Variants in LHFPL3 observed in about 807,000 individuals in gnomAD.
The protein encoded by LHFPL3 is LHFPL tetraspan subfamily member 3 protein.
In LHFPL3, 5 loss-of-function variants were observed where a neutral mutation model predicts 19.3. That is an observed-to-expected ratio of 0.26 (90% confidence interval 0.14 to 0.54). The LOEUF is 0.54. Among genes scored for constraint, LHFPL3 ranks in the 20% least tolerant of loss-of-function variants. LHFPL3 has a pLI of 0.94. For synonymous variants in LHFPL3, 133 were observed against 126.2 expected (o/e 1.05, Z -0.36); for missense variants, 249 against 307.4 (o/e 0.81, Z 1.42).
chr7:104,813,050 G>A (rs1202428041), intron 2 of LHFPL3, among the ~76,000 whole-genome samples: 1 of 151,996 alleles, frequency 6.6e-6, no homozygotes, highest in Non-Finnish European at 1.5e-5. Context: ...GGAGGCGGAG[G>A]TTGCAGTGAG....
intron 2 of LHFPL3, among the ~76,000 whole-genome samples, chr7:104,764,123 C>G (rs141151899): frequency 6.6e-6 from 1 of 152,304 alleles, no homozygotes; most frequent in African/African-American, 2.4e-5. Flanking sequence ...TTTCCTCTCT[C>G]TGGCACACAC....
At chr7:104,635,475 A>G (rs1562955072) in intron 1 of LHFPL3, among the ~76,000 whole-genome samples, 1 of 152,200 alleles carries the variant, frequency 6.6e-6, no homozygotes, top group Non-Finnish European at 1.5e-5. Context: ...TTTTAAAAGT[A>G]TTAAACTTGT....
At chr7:104,493,838 A>T (rs1793406019) in intron 1 of LHFPL3, among the ~76,000 whole-genome samples, 2 of 152,098 alleles carry the variant, frequency 1.3e-5, no homozygotes, top group South Asian at 4.2e-4. Context: ...ACCATGCTAC[A>T]CACCTCTGCT....
At chr7:104,726,865 G>C (rs1171288322) in intron 1 of LHFPL3, among the ~76,000 whole-genome samples, 1 of 152,120 alleles carries the variant, frequency 6.6e-6, no homozygotes, top group Non-Finnish European at 1.5e-5. Flanking sequence ...GGATTGCTGG[G>C]TCAAATGCTA....
At chr7:104,421,711 AAG>A (rs1791736311) in intron 1 of LHFPL3, among the ~76,000 whole-genome samples, 2 of 152,224 alleles carry the variant, frequency 1.3e-5, no homozygotes, top group Admixed American at 6.5e-5. Context: ...GTAATTTGCC[AAG>A]ATATGGAGGA....
chr7:104,616,738 T>C (rs1791351099), intron 1 of LHFPL3, among the ~76,000 whole-genome samples: 1 of 152,242 alleles, frequency 6.6e-6, no homozygotes, highest in East Asian at 1.9e-4. Context: ...ATTCTGTAGG[T>C]TGGCAATCTA....
rs1485254855 is a variant in LHFPL3 at position 104,604,435 on chromosome 7, A to C, written c.446-132240A>C. On this transcript the variant is annotated intron_variant, in intron 1 of 2. Coordinates refer to ENST00000424859, the MANE Select transcript of LHFPL3 (RefSeq NM_199000.3). ...CTCAAAGAGCTCTGAAATGCCTTCA[A>C]GGTCTTTCTCCCATTGTCCTGTAGC... Among the ~76,000 whole-genome samples the C allele has an allele frequency of 2.0e-5, 3 of 152,188 alleles. No homozygotes were observed. The East Asian group carries it at 5.8e-4, about 29-fold the overall frequency.
At chr7:104,732,011 T>C in intron 1 of LHFPL3, among the ~76,000 whole-genome samples, 1 of 152,358 alleles carries the variant, frequency 6.6e-6, no homozygotes, top group East Asian at 1.9e-4. Context: ...GTTCTGTTTA[T>C]ATGATGGATT....
chr7:104,372,997 C>CAAAAA (rs58010609), intron 1 of LHFPL3, among the ~76,000 whole-genome samples: 6 of 126,436 alleles, frequency 4.7e-5, no homozygotes, highest in African/African-American at 9.1e-5. Flanking sequence ...AGCTTCTTTA[C>CAAAAA]AAAAAAAAAA....
chr7:104,510,889 G>A (rs1162791981), intron 1 of LHFPL3, among the ~76,000 whole-genome samples: 1 of 152,090 alleles, frequency 6.6e-6, no homozygotes, highest in East Asian at 1.9e-4. Flanking sequence ...ATAAACACCG[G>A]GGCCTATCAG....
At chr7:104,415,854 CAG>C (rs1179943336) in intron 1 of LHFPL3, among the ~76,000 whole-genome samples, 1 of 152,190 alleles carries the variant, frequency 6.6e-6, no homozygotes, top group African/African-American at 2.4e-5. Context: ...GAGTCCAGAA[CAG>C]GGTCCAATCA....
At chr7:104,725,659 T>A (rs193297130) in intron 1 of LHFPL3, among the ~76,000 whole-genome samples, 1 of 152,298 alleles carries the variant, frequency 6.6e-6, no homozygotes, top group African/African-American at 2.4e-5. Context: ...CACTAGACAA[T>A]GCCTTAGACA....
At chr7:104,726,617 A>G (rs567772746) in intron 1 of LHFPL3, among the ~76,000 whole-genome samples, 2 of 152,272 alleles carry the variant, frequency 1.3e-5, no homozygotes, top group Non-Finnish European at 2.9e-5. Context: ...TTTGCTGAGG[A>G]TAATGACTTC....
intron 1 of LHFPL3, among the ~76,000 whole-genome samples, chr7:104,498,335 G>T (rs1272558441): frequency 6.6e-6 from 1 of 152,154 alleles, no homozygotes; most frequent in Non-Finnish European, 1.5e-5. Context: ...CAAACTGTCT[G>T]CAATGAGGCT....
At chr7:104,559,523 T>C (rs1789938203) in intron 1 of LHFPL3, among the ~76,000 whole-genome samples, 1 of 150,872 alleles carries the variant, frequency 6.6e-6, no homozygotes, top group Admixed American at 6.6e-5. Context: ...TTTTTGTACA[T>C]TGATTTTGTA....
chr7:104,418,566 G>T (rs1000649895), intron 1 of LHFPL3, among the ~76,000 whole-genome samples: 2 of 152,138 alleles, frequency 1.3e-5, no homozygotes, highest in African/African-American at 4.8e-5. Context: ...AATGGGTCAA[G>T]TCGCTTTGAA....
At chr7:104,489,691 A>G (rs892785617) in intron 1 of LHFPL3, among the ~76,000 whole-genome samples, 3 of 151,996 alleles carry the variant, frequency 2.0e-5, no homozygotes, top group Non-Finnish European at 4.4e-5. Context: ...ACTCCACTCT[A>G]GGTACTGAAA....
chr7:104,450,628 C>T (rs180772653), intron 1 of LHFPL3, among the ~76,000 whole-genome samples: 49 of 151,994 alleles, frequency 3.2e-4, no homozygotes, highest in East Asian at 2.5e-3. Flanking sequence ...ATGTAGATGA[C>T]GGGTTGATGG....
At chr7:104,831,823 C>A (rs1790958733) in intron 2 of LHFPL3, among the ~76,000 whole-genome samples, 1 of 151,998 alleles carries the variant, frequency 6.6e-6, no homozygotes, top group South Asian at 2.1e-4. Flanking sequence ...ACCAAACCTG[C>A]ACTACTGCTT....
Sources: allele counts gnomAD v4.1 joint callset (sites outside exome capture counted in the v4.1 genomes callset), GRCh38; gene constraint gnomAD v4.1.1; transcripts MANE v1.5; gene names NCBI Gene and HGNC (gene_info 2026-07-23, HGNC 2026-07-21).